AUTS2: variants seen among roughly 807,000 people sequenced by gnomAD.
The protein encoded by AUTS2 is autism susceptibility gene 2 protein.
Under a neutral mutation model 112.4 loss-of-function variants are expected in AUTS2, and 17 were observed. The observed-to-expected ratio is 0.15, with a 90% CI of 0.10 to 0.23. The LOEUF is 0.23. Among genes scored for constraint, AUTS2 ranks in the 10% least tolerant of loss-of-function variants. The pLI, the probability that AUTS2 is intolerant of heterozygous loss-of-function variation, is 1.00. For missense variants in AUTS2, 1,510 were observed against 1,701.6 expected (o/e 0.89, Z 1.98); for synonymous variants, 751 against 702.7 (o/e 1.07, Z -1.09).
intron 6 of AUTS2, among the ~76,000 whole-genome samples, chr7:70,746,248 C>T (rs905944682): frequency 1.3e-5 from 2 of 152,120 alleles, no homozygotes; most frequent in South Asian, 4.1e-4. Flanking sequence ...CCGGTTCAAG[C>T]GATTCTCCTG....
At chr7:69,900,466 C>G (rs1794923460) in intron 2 of AUTS2, among the ~76,000 whole-genome samples, 1 of 152,204 alleles carries the variant, frequency 6.6e-6, no homozygotes, top group South Asian at 2.1e-4. Context: ...TCCCAAACCA[C>G]ACAGATCTTG....
chr7:69,781,942 C>T (rs990666347), intron 1 of AUTS2, among the ~76,000 whole-genome samples: 2 of 152,168 alleles, frequency 1.3e-5, no homozygotes, highest in Non-Finnish European at 2.9e-5. Context: ...ATTAATTCCC[C>T]TTCTCTTAAG....
At chr7:70,555,347 TAGTG>T (rs1183540434) in intron 5 of AUTS2, among the ~76,000 whole-genome samples, 4 of 152,134 alleles carry the variant, frequency 2.6e-5, no homozygotes, top group Admixed American at 1.3e-4. Context: ...GTTTGGGAAA[TAGTG>T]AGTTAAAGTT....
At chr7:70,764,490 G>A (rs1585649013) in intron 7 of AUTS2, among the ~76,000 whole-genome samples, 1 of 152,214 alleles carries the variant, frequency 6.6e-6, no homozygotes, top group African/African-American at 2.4e-5. Context: ...CTGAGGTTTA[G>A]GCAGAATGAG....
chr7:70,718,772 A>C (rs1301172562), intron 6 of AUTS2, among the ~76,000 whole-genome samples: 3 of 152,208 alleles, frequency 2.0e-5, no homozygotes, highest in African/African-American at 7.2e-5. Context: ...CTTTTTTGAT[A>C]TCTTTTTTTC....
chr7:70,427,462 C>G (rs915605257), intron 4 of AUTS2, among the ~76,000 whole-genome samples: 3 of 152,060 alleles, frequency 2.0e-5, no homozygotes, highest in Non-Finnish European at 4.4e-5. Context: ...CTGAACTCCC[C>G]AAAGATTTGT....
At chr7:70,122,929 G>A (rs555493277) in intron 3 of AUTS2, among the ~76,000 whole-genome samples, 17 of 144,680 alleles carry the variant, frequency 1.2e-4, no homozygotes, top group African/African-American at 4.1e-4. Flanking sequence ...AGCCTGGAGT[G>A]CAGCAGCACA....
intron 4 of AUTS2, among the ~76,000 whole-genome samples, chr7:70,304,266 C>G (rs1347056367): frequency 6.6e-6 from 1 of 152,118 alleles, no homozygotes; most frequent in African/African-American, 2.4e-5. Context: ...TCTAAAGACC[C>G]AGAATTATGA....
At chr7:70,685,496 A>G (rs75660605) in intron 5 of AUTS2, among the ~76,000 whole-genome samples, 1 of 150,952 alleles carries the variant, frequency 6.6e-6, no homozygotes, top group African/African-American at 2.4e-5. Flanking sequence ...AAAAAAAAGA[A>G]GAAGAAAAAA....
intron 1 of AUTS2, among the ~76,000 whole-genome samples, chr7:69,710,977 C>CGT (rs1293807733): frequency 6.6e-5 from 10 of 152,112 alleles, no homozygotes; most frequent in African/African-American, 1.9e-4. Context: ...GTGTGCTTTG[C>CGT]GTGTCGTGTC....
chr7:70,775,166 G>A (rs1347135256), intron 12 of AUTS2, 191 bp from the exon 13 acceptor site: 7 of 599,594 alleles, frequency 1.2e-5, no homozygotes, highest in Middle Eastern at 3.9e-4. Context: ...CAAGGCTTGT[G>A]AAGTGGGGGA....
intron 4 of AUTS2, among the ~76,000 whole-genome samples, chr7:70,229,015 CTAT>C (rs1264309676): frequency 6.6e-6 from 1 of 151,604 alleles, no homozygotes; most frequent in Non-Finnish European, 1.5e-5. Context: ...CTTTGTGCTA[CTAT>C]TATTATATAT....
At chr7:70,429,685 C>T (rs1216266901) in intron 4 of AUTS2, among the ~76,000 whole-genome samples, 1 of 152,136 alleles carries the variant, frequency 6.6e-6, no homozygotes, top group East Asian at 1.9e-4. Context: ...TTTAGAGTAA[C>T]TCAGTAGCAT....
chr7:70,345,858 C>CTGTT (rs2129621313), intron 4 of AUTS2, among the ~76,000 whole-genome samples: 1 of 152,272 alleles, frequency 6.6e-6, no homozygotes, highest in East Asian at 1.9e-4. Context: ...TGATGATAAC[C>CTGTT]TGTTGGTCAG....
In AUTS2 at chr7:70,694,888, ACT is replaced by A. The variant is rs1353272986; in HGVS notation, c.691-3678_691-3677del. 1 of 150,824 alleles carries A rather than the reference ACT, an allele frequency of 6.6e-6. No individual in the cohort carries two copies. The highest frequency in any genetic ancestry group is 2.1e-4 in the South Asian group (1 of 4,744). The allele number at this position is 150,824 out of a possible 1,614,324, so 9.3% of individuals were successfully genotyped here. ...ACTTTGGCGAGGAAGGAGCCCAGAG[ACT>A]CTTGTGGACAGAGCCGGGTCGAGAG... On this transcript the variant is annotated intron_variant, in intron 5 of 18. Transcript: ENST00000342771. This position sits in a 1 kb window ranked among gnomAD's most constrained non-coding sequence, Gnocchi z 4.1.
intron 2 of AUTS2, among the ~76,000 whole-genome samples, chr7:70,085,661 C>T (rs1231042624): frequency 6.6e-6 from 1 of 152,186 alleles, no homozygotes; most frequent in Non-Finnish European, 1.5e-5. Context: ...GCCAACATGC[C>T]TAGCCTATTT....
At chr7:70,707,930 T>C (rs895787063) in intron 6 of AUTS2, among the ~76,000 whole-genome samples, 1 of 152,140 alleles carries the variant, frequency 6.6e-6, no homozygotes, top group South Asian at 2.1e-4. Flanking sequence ...GGGAATGGCG[T>C]TCTGTGGGCT....
intron 2 of AUTS2, among the ~76,000 whole-genome samples, chr7:70,108,468 T>G (rs1262844288): frequency 6.6e-6 from 1 of 152,064 alleles, no homozygotes; most frequent in East Asian, 1.9e-4. Context: ...CCCAACATCA[T>G]CTAACTTCAA....
intron 6 of AUTS2, chr7:70,699,632 G>A (rs1265505080): frequency 6.6e-6 from 1 of 152,150 alleles, no homozygotes. Context: ...GTTCCCTTGA[G>A]GTGTATGTGA....
Sources: gnomAD v4.1 joint callset for allele counts (sites outside exome capture counted in the v4.1 genomes callset) on GRCh38, gnomAD v4.1.1 for gene constraint, Gnocchi (gnomAD v3.1) non-coding constraint, MANE v1.5 for transcripts, NCBI Gene and HGNC (gene_info 2026-07-23, HGNC 2026-07-21) for gene names.